DENND4C: variants seen among roughly 807,000 people sequenced by gnomAD.
The protein encoded by DENND4C is DENN domain containing 4C, also known as DENN domain-containing protein 4C.
DENND4C carries 108 observed loss-of-function variants against 203.0 expected under a neutral mutation model. The ratio of observed to expected loss-of-function variants is 0.53; its 90% CI spans 0.46 to 0.62. The LOEUF (loss-of-function observed/expected upper bound fraction) is 0.62. DENND4C is among the 20% of genes least tolerant of loss of function. The probability of loss-of-function intolerance (pLI) is 0.00; values close to 1 mark genes in which losing one functional copy is unlikely to be tolerated. For missense variants in DENND4C, 2,481 were observed against 2,301.2 expected, an observed-to-expected ratio of 1.08 and a Z score of -1.60; for synonymous variants, 871 against 792.4, an observed-to-expected ratio of 1.10 and a Z score of -1.67.
chr9:19,272,206 G>C (rs1459653039), intron 1 of DENND4C, among the ~76,000 whole-genome samples: 1 of 151,768 alleles, frequency 6.6e-6, no homozygotes, highest in Non-Finnish European at 1.5e-5. Context: ...GATCACCTGA[G>C]GTCGAGAGTT....
chr9:19,362,461 C>G (rs1377395230), intron 30 of DENND4C, among the ~76,000 whole-genome samples: 4 of 151,734 alleles, frequency 2.6e-5, no homozygotes, highest in African/African-American at 7.3e-5. Context: ...AACTAAATTC[C>G]CCTAGAGTTA....
intron 15 of DENND4C, 40 bp from the exon 16 acceptor site, chr9:19,327,990 G>T: frequency 6.5e-7 from 1 of 1,545,132 alleles, no homozygotes; most frequent in Non-Finnish European, 8.7e-7. Context: ...AAGAGTTGGT[G>T]TGTTTTAAAT....
chr9:19,357,990 G>C lies in DENND4C; in HGVS notation c.4990G>C (p.Asp1664His), dbSNP rs373682001. The C allele has an allele frequency of 1.2e-6, 2 of 1,611,590 alleles. No homozygotes were observed. Among genetic ancestry groups the C allele is most frequent in the Middle Eastern group, 1.6e-4 (1 of 6,074 alleles). ...PSDEIKRASG[D>H]VQTMKISSVP... ...TGATGAAATAAAGAGAGCCAGTGGA[G>C]ATGTCCAAACTATGAAAATTTCATC... Residue 1664 changes from aspartate to histidine, a missense_variant, in exon 28 of 33, where the codon GAT (aspartate) becomes CAT (histidine). Asp to His is a moderately conservative substitution (Grantham distance 81). This residue lies in a region of DENND4C where 2,289 missense variants were observed against 2,113.3 expected (regional missense o/e 1.08). Transcript: ENST00000434457.
intron 16 of DENND4C, among the ~76,000 whole-genome samples, chr9:19,330,345 T>TTG (rs1818807648): frequency 1.4e-5 from 2 of 147,648 alleles, no homozygotes; most frequent in Non-Finnish European, 3.0e-5. Flanking sequence ...TTTTTTTTTT[T>TTG]TTTTTTTTTT....
At chr9:19,266,656 C>T (rs1306509796) in intron 1 of DENND4C, among the ~76,000 whole-genome samples, 2 of 152,098 alleles carry the variant, frequency 1.3e-5, no homozygotes, top group African/African-American at 4.8e-5. Flanking sequence ...AGAACAGAGC[C>T]CTCAGAAATA....
chr9:19,257,474 CTT>C (rs1164545593), intron 1 of DENND4C, among the ~76,000 whole-genome samples: 1 of 151,950 alleles, frequency 6.6e-6, no homozygotes, highest in Non-Finnish European at 1.5e-5. Context: ...AAATCATTGA[CTT>C]CAGCTTCCAC....
chr9:19,327,144 T>C lies in DENND4C; in HGVS notation c.2121-886T>C, dbSNP rs1001637602. On this transcript the variant is annotated intron_variant, in intron 15 of 32. Coordinates refer to ENST00000434457, the MANE Select transcript of DENND4C (RefSeq NM_001330640.2). ...TTTCATGTTAACTATAGAATTCTTT[T>C]CTGCTTTGGCTTAACTACAAGAAAT... is the stretch of plus-strand genomic sequence containing the variant. Among the ~76,000 whole-genome samples, 7 of 152,140 alleles carry C rather than the reference T, an allele frequency of 4.6e-5. 1 individual carries two copies. In the East Asian group the frequency reaches 9.6e-4, roughly 21 times the overall value.
At position 19,267,575 on chromosome 9, in the gene DENND4C, C is replaced by T. The variant is rs985645524; in HGVS notation, c.-17-8583C>T. On this transcript the variant is annotated intron_variant, in intron 1 of 32. Transcript: ENST00000434457. ...TTTTAGAGACCGGTTCTCACTTTAT[C>T]CCCCAGGCTGGAGTGCAGTGGTGTG... Among the ~76,000 whole-genome samples, 7 of 151,986 alleles carry T rather than the reference C, an allele frequency of 4.6e-5. No individual in the cohort carries two copies. In the East Asian group the frequency reaches 1.2e-3, roughly 25 times the overall value.
rs1825920819 is a variant in DENND4C, at chr9:19,358,921, C to T, written c.5160+761C>T. On this transcript the variant is annotated intron_variant, in intron 28 of 32. Transcript: ENST00000434457. This position sits in a 1 kb window ranked among gnomAD's most constrained non-coding sequence, Gnocchi z 4.8. Reference sequence around the variant, plus strand: ...TTCATCAGTGGTGGTATGTTCCTCCCAGCAGGAGACATAAACATTAGTAGC... The same window carrying T: ...TTCATCAGTGGTGGTATGTTCCTCCTAGCAGGAGACATAAACATTAGTAGC... Among the ~76,000 whole-genome samples the T allele has an allele frequency of 6.6e-6, 1 of 151,746 alleles. No individual in the cohort carries two copies. Among genetic ancestry groups the T allele is most frequent in the South Asian group, 2.1e-4 (1 of 4,830 alleles).
At chr9:19,277,273 T>C (rs573060087) in intron 2 of DENND4C, among the ~76,000 whole-genome samples, 1 of 152,308 alleles carries the variant, frequency 6.6e-6, no homozygotes, top group East Asian at 1.9e-4. Flanking sequence ...TTTAGATTAA[T>C]CTGCAGAGTA....
At chr9:19,337,634 G>A (rs994238711) in intron 20 of DENND4C, 18 of 1,287,928 alleles carry the variant, frequency 1.4e-5, no homozygotes, top group Middle Eastern at 2.1e-4. Context: ...ATGGATACAC[G>A]TGTGCATTAA....
Position 19,276,357 on chromosome 9 carries a change from C to T in DENND4C, c.183C>T (p.Tyr61=). 1 of 1,232,098 alleles carries T rather than the reference C, an allele frequency of 8.1e-7. No homozygotes were observed. The highest frequency in any genetic ancestry group is 1.0e-6 in the Non-Finnish European group (1 of 987,908). 76.3% of individuals were successfully genotyped at this position (1,232,098 alleles called of 1,614,324 possible). ...CTGGAGAAACAGTACCTGAAGGTTA[C>T]ACCTGTGTAGAAGCCACTCCATCAG... The part of the protein sequence containing the change: ...KSAGETVPEG[Y]TCVEATPSAL... Residue 61 remains tyrosine, a synonymous_variant, in exon 2 of 33, where the codon TAC becomes TAT. Transcript: ENST00000434457.
At position 19,365,366 on chromosome 9, in the gene DENND4C, C is replaced by T. The variant is rs116740736; in HGVS notation, c.5524+3403C>T. On this transcript the variant is annotated intron_variant, in intron 30 of 32. Transcript: ENST00000434457. ...AATCCATCACCCTTTGTTTAAAACACTCATCAAGCTGGGAATAGAGAAGAT... is the reference window on the plus strand; with the variant it reads ...AATCCATCACCCTTTGTTTAAAACATTCATCAAGCTGGGAATAGAGAAGAT... Among the ~76,000 whole-genome samples, 702 of 152,248 alleles carry T rather than the reference C, an allele frequency of 4.6e-3. 7 individuals are homozygous for T. The highest frequency in any genetic ancestry group is 0.016 in the African/African-American group (654 of 41,540).
chr9:19,280,123 T>C (rs1280840317), intron 2 of DENND4C, among the ~76,000 whole-genome samples: 5 of 138,334 alleles, frequency 3.6e-5, no homozygotes, highest in African/African-American at 1.4e-4. Flanking sequence ...CCTTCCTGCC[T>C]TCCTGCCTAC....
chr9:19,371,146 C>T (rs1428079494), intron 31 of DENND4C, among the ~76,000 whole-genome samples: 1 of 152,110 alleles, frequency 6.6e-6, no homozygotes, highest in South Asian at 2.1e-4. Flanking sequence ...TACATCAGTG[C>T]ATTTCTTAAG....
At chr9:19,272,599 C>T (rs144985463) in intron 1 of DENND4C, among the ~76,000 whole-genome samples, 24 of 151,738 alleles carry the variant, frequency 1.6e-4, no homozygotes, top group Middle Eastern at 3.4e-3. Flanking sequence ...AATGGGATAT[C>T]CATATGTAAA....
chr9:19,319,341 T>TATATATATACTTATATATACACAC (rs1563798987), intron 12 of DENND4C, among the ~76,000 whole-genome samples: 1 of 39,614 alleles, frequency 2.5e-5, no homozygotes, highest in African/African-American at 1.0e-4. Context: ...TATATACACA[T>TATATATATACTTATATATACACAC]ATATATATAC....
At chr9:19,258,998 A>T (rs914086906) in intron 1 of DENND4C, among the ~76,000 whole-genome samples, 2 of 152,154 alleles carry the variant, frequency 1.3e-5, no homozygotes, top group African/African-American at 4.8e-5. Flanking sequence ...GTATATATTT[A>T]TGGGATACAT....
chr9:19,295,107 C>T (rs1008577956), intron 5 of DENND4C, among the ~76,000 whole-genome samples: 1 of 152,196 alleles, frequency 6.6e-6, no homozygotes, highest in Non-Finnish European at 1.5e-5. Flanking sequence ...TGCAGTGGCT[C>T]ATGCCTATAA....
Sources: gnomAD v4.1 joint callset for allele counts (sites outside exome capture counted in the v4.1 genomes callset) on GRCh38, gnomAD v4.1.1 for gene constraint, gnomAD v4.1.1 regional missense constraint, Gnocchi (gnomAD v3.1) non-coding constraint, MANE v1.5 for transcripts, NCBI Gene and HGNC (gene_info 2026-07-23, HGNC 2026-07-21) for gene names.